Variants in CTNNA2 observed in about 807,000 individuals in gnomAD.
The protein encoded by CTNNA2 is catenin alpha 2.
CTNNA2 carries 42 observed loss-of-function variants against 101.0 expected under a neutral mutation model. The ratio of observed to expected loss-of-function variants is 0.42; its 90% CI spans 0.32 to 0.54. The LOEUF (loss-of-function observed/expected upper bound fraction) is 0.54. Ranked by LOEUF, CTNNA2 falls within the 20% of genes least tolerant of loss-of-function variation. The probability of loss-of-function intolerance (pLI) is 0.14; values close to 1 mark genes in which losing one functional copy is unlikely to be tolerated. For synonymous variants in CTNNA2, 450 were observed against 456.4 expected (o/e 0.99, Z 0.18); for missense variants, 871 against 1,223.1 (o/e 0.71, Z 4.29).
chr2:79,300,677 C>T (rs4144317), intron 2 of CTNNA2, among the ~76,000 whole-genome samples: 18,866 of 152,150 alleles, frequency 0.12, 1,560 homozygotes, highest in African/African-American at 0.24. Context: ...TCTTATATTT[C>T]TTAAAAAATT....
At chr2:79,291,797 G>T (rs572501460) in intron 2 of CTNNA2, among the ~76,000 whole-genome samples, 1 of 152,334 alleles carries the variant, frequency 6.6e-6, no homozygotes, top group Admixed American at 6.5e-5. Context: ...GCTGGTTCAT[G>T]TGTCAGTTGT....
At chr2:79,799,262 C>T (rs1403345856) in intron 3 of CTNNA2, among the ~76,000 whole-genome samples, 2 of 151,168 alleles carry the variant, frequency 1.3e-5, no homozygotes, top group Non-Finnish European at 2.9e-5. Flanking sequence ...TGTATGTATG[C>T]TTATGTATCT....
At chr2:79,249,238 T>A (rs1482673551) in intron 2 of CTNNA2, among the ~76,000 whole-genome samples, 1 of 151,168 alleles carries the variant, frequency 6.6e-6, no homozygotes, top group Non-Finnish European at 1.5e-5. Context: ...TATCATCATA[T>A]TTTTTCATCA....
intron 7 of CTNNA2, among the ~76,000 whole-genome samples, chr2:80,050,755 C>G (rs1696823321): frequency 1.3e-5 from 2 of 152,198 alleles, no homozygotes; most frequent in Non-Finnish European, 2.9e-5. Context: ...GGCTGCAGTG[C>G]AGTGGTACAA....
chr2:80,573,493 C>T (rs1018917556), intron 12 of CTNNA2, among the ~76,000 whole-genome samples: 3 of 152,122 alleles, frequency 2.0e-5, no homozygotes, highest in Non-Finnish European at 4.4e-5. Flanking sequence ...GTCTGTCTCC[C>T]TCTTTTCTAT....
chr2:79,213,173 A>G (rs1674198917), intron 2 of CTNNA2, among the ~76,000 whole-genome samples: 1 of 152,120 alleles, frequency 6.6e-6, no homozygotes, highest in Non-Finnish European at 1.5e-5. Flanking sequence ...AGTGAGGGAT[A>G]TAAGTTGGAA....
At chr2:79,604,706 G>C (rs1235166170) in intron 1 of CTNNA2, among the ~76,000 whole-genome samples, 2 of 152,162 alleles carry the variant, frequency 1.3e-5, no homozygotes, top group Non-Finnish European at 2.9e-5. Context: ...ATACGTTTGG[G>C]TCTAACAAAT....
intron 1 of CTNNA2, among the ~76,000 whole-genome samples, chr2:79,189,735 G>A (rs922246362): frequency 2.6e-5 from 4 of 152,064 alleles, no homozygotes; most frequent in South Asian, 2.1e-4. Context: ...TTTCTCCCAC[G>A]GATATTGGGA....
intron 12 of CTNNA2, among the ~76,000 whole-genome samples, chr2:80,564,547 C>T (rs572042563): frequency 9.5e-4 from 142 of 149,816 alleles, no homozygotes; most frequent in Admixed American, 1.7e-3. Flanking sequence ...TCTAGGCAGT[C>T]CTTCTTCATC....
At chr2:79,755,388 G>T (rs1472739804) in intron 3 of CTNNA2, among the ~76,000 whole-genome samples, 2 of 152,184 alleles carry the variant, frequency 1.3e-5, no homozygotes, top group Admixed American at 1.3e-4. Context: ...GGCAGACCTT[G>T]AAGTTGGAAT....
At chr2:80,121,504 G>A (rs1397178595) in intron 7 of CTNNA2, among the ~76,000 whole-genome samples, 1 of 152,116 alleles carries the variant, frequency 6.6e-6, no homozygotes, top group African/African-American at 2.4e-5. Flanking sequence ...ATATTGGGAG[G>A]CAGTTTTCCA....
chr2:79,539,334 A>G lies in CTNNA2; in HGVS notation c.-6+26127A>G, dbSNP rs1315748459. Among the ~76,000 whole-genome samples the G allele has an allele frequency of 2.0e-5, 3 of 152,184 alleles. No individual in the cohort carries two copies. The East Asian group carries it at 5.8e-4, about 29-fold the overall frequency. On this transcript the variant is annotated intron_variant, in intron 1 of 18. Transcript: ENST00000402739. The stretch of plus-strand genomic sequence containing the variant: ...TCACACATCAAGAGCGTGTTTAGAA[A>G]GTGTGAAAGGCCTCGAGAAGGCCAT...
intron 7 of CTNNA2, among the ~76,000 whole-genome samples, chr2:80,316,685 C>A (rs573643524): frequency 2.6e-5 from 4 of 152,236 alleles, no homozygotes; most frequent in African/African-American, 9.6e-5. Flanking sequence ...ATTCTCTTCT[C>A]AAAATGGGAC....
intron 4 of CTNNA2, among the ~76,000 whole-genome samples, chr2:79,414,784 G>T (rs1356501248): frequency 6.6e-6 from 1 of 152,066 alleles, no homozygotes; most frequent in Non-Finnish European, 1.5e-5. Context: ...AGGCCCAGCT[G>T]TTAGACAGCA....
At chr2:80,204,256 A>C (rs1558900123) in intron 7 of CTNNA2, among the ~76,000 whole-genome samples, 1 of 152,290 alleles carries the variant, frequency 6.6e-6, no homozygotes, top group East Asian at 1.9e-4. Flanking sequence ...AGCCAGCTTG[A>C]ATTTCTCCTC....
intron 7 of CTNNA2, among the ~76,000 whole-genome samples, chr2:80,192,969 G>A (rs909223209): frequency 1.3e-5 from 2 of 152,168 alleles, no homozygotes; most frequent in Non-Finnish European, 2.9e-5. Flanking sequence ...GTGTGTGAGT[G>A]ATTGTAAGTG....
intron 7 of CTNNA2, among the ~76,000 whole-genome samples, chr2:80,236,161 G>T (rs548123696): frequency 1.2e-3 from 183 of 152,234 alleles, no homozygotes; most frequent in Non-Finnish European, 2.1e-3. Context: ...TTATGGCTGT[G>T]TAGTATTCCA....
At chr2:80,013,920 G>C (rs1479273735) in intron 7 of CTNNA2, among the ~76,000 whole-genome samples, 1 of 152,124 alleles carries the variant, frequency 6.6e-6, no homozygotes, top group Non-Finnish European at 1.5e-5. Context: ...GGTCTAGGAG[G>C]GCTTCTAGGC....
At chr2:79,267,093 A>G (rs993932292) in intron 2 of CTNNA2, among the ~76,000 whole-genome samples, 1 of 152,112 alleles carries the variant, frequency 6.6e-6, no homozygotes, top group African/African-American at 2.4e-5. Flanking sequence ...AGATGAGGAC[A>G]TCTGAATAGA....
Sources: allele counts gnomAD v4.1 joint callset (sites outside exome capture counted in the v4.1 genomes callset), GRCh38; gene constraint gnomAD v4.1.1; transcripts MANE v1.5; gene names NCBI Gene and HGNC (gene_info 2026-07-23, HGNC 2026-07-21).